Variants in OTUD7B observed in about 807,000 individuals in gnomAD.
OTUD7B encodes the protein OTU deubiquitinase 7B.
Under a neutral mutation model 82.2 loss-of-function variants are expected in OTUD7B, and 34 were observed. That is an observed-to-expected ratio of 0.41 (90% CI 0.31 to 0.55). OTUD7B has a LOEUF of 0.55. OTUD7B is among the 20% of genes least tolerant of loss of function. OTUD7B has a pLI of 0.20. For synonymous variants in OTUD7B, 398 were observed against 402.7 expected, an observed-to-expected ratio of 0.99 and a Z score of 0.14; for missense variants, 944 against 1,062.1, an observed-to-expected ratio of 0.89 and a Z score of 1.55.
intron 8 of OTUD7B, 131 bp from the exon 9 acceptor site, chr1:149,949,909 C>G (rs924627682): frequency 7.9e-7 from 1 of 1,273,098 alleles, no homozygotes; most frequent in Non-Finnish European, 1.1e-6. Flanking sequence ...TCCTAAGAAG[C>G]CCTGTCAACT....
At chr1:149,996,456 T>G (rs1428510804) in intron 1 of OTUD7B, among the ~76,000 whole-genome samples, 2 of 152,226 alleles carry the variant, frequency 1.3e-5, no homozygotes. Context: ...ATGTAAACAG[T>G]GGCATAATGT....
Position 149,967,278 on chromosome 1 carries a change from G to A in OTUD7B, c.502+16C>T, listed in dbSNP as rs1553776766. The A allele has an allele frequency of 1.3e-6, 2 of 1,571,358 alleles. No homozygotes were observed. The highest frequency in any genetic ancestry group is 1.8e-6 in the Non-Finnish European group (2 of 1,141,994). On this transcript the variant is annotated intron_variant, in intron 4 of 11. Transcript: ENST00000581312. ...AGAGTAGAGGGAAGAGTGTGGGAGA[G>A]GAAGCACTCACTGACCTGCCTGTTC...
chr1:149,967,269 T>A lies in OTUD7B; in HGVS notation c.502+25A>T. 4 of 1,513,596 alleles carry A rather than the reference T, an allele frequency of 2.6e-6. No homozygotes were observed. In the South Asian group the frequency reaches 3.4e-5, roughly 13 times the overall value. The allele number at this position is 1,513,596 out of a possible 1,614,324, so 93.8% of individuals were successfully genotyped here. A position where few individuals can be genotyped will look rare whatever the true frequency, so the allele number is the denominator to read the frequency against. Reference sequence around the variant, plus strand: ...TGTAGGTGGAGAGTAGAGGGAAGAGTGTGGGAGAGGAAGCACTCACTGACC... The same window carrying A: ...TGTAGGTGGAGAGTAGAGGGAAGAGAGTGGGAGAGGAAGCACTCACTGACC... On this transcript the variant is annotated intron_variant, in intron 4 of 11. Coordinates refer to ENST00000581312, the MANE Select transcript of OTUD7B (RefSeq NM_020205.4).
Position 149,950,119 on chromosome 1 carries a change from G to A in OTUD7B, c.948C>T (p.Thr316=). Residue 316 remains threonine, a synonymous_variant, in exon 8 of 12, where the codon ACC becomes ACT. Transcript: ENST00000581312. ...LRRPIVVVAD[T]MLRDSGGEAF... ...CTTCCCCTCCGGAGTCCCTCAGCATGGTGTCTGCCACGACGACTATGGGCC... is the reference window on the plus strand; with the variant it reads ...CTTCCCCTCCGGAGTCCCTCAGCATAGTGTCTGCCACGACGACTATGGGCC... 1.9e-6 allele frequency: 3 copies of A among 1,614,056 alleles called. No individual in the cohort carries two copies. Among genetic ancestry groups the A allele is most frequent in the Non-Finnish European group, 2.5e-6 (3 of 1,180,020 alleles).
In OTUD7B at chr1:150,005,784, G is replaced by A. The variant is rs140507852; in HGVS notation, c.-67+4664C>T. Among the ~76,000 whole-genome samples, 521 of 152,168 alleles carry A rather than the reference G, an allele frequency of 3.4e-3. 3 individuals are homozygous for A. The highest frequency in any genetic ancestry group is 0.012 in the African/African-American group (497 of 41,530). On this transcript the variant is annotated intron_variant, in intron 1 of 11. Coordinates refer to ENST00000581312, the MANE Select transcript of OTUD7B (RefSeq NM_020205.4). Reference sequence around the variant, plus strand: ...AAAGCACAAGTCCTTTGAGAAAGCCGGCTTAATCTTCAACAACACAACATA... The same window carrying A: ...AAAGCACAAGTCCTTTGAGAAAGCCAGCTTAATCTTCAACAACACAACATA...
chr1:149,949,427 G>A (rs1462019633), intron 9 of OTUD7B, among the ~76,000 whole-genome samples: 1 of 150,750 alleles, frequency 6.6e-6, no homozygotes, highest in Non-Finnish European at 1.5e-5. Flanking sequence ...CTTTACTCCA[G>A]AAGAGGGTAT....
chr1:149,969,431 C>T (rs983993002), intron 3 of OTUD7B, among the ~76,000 whole-genome samples: 2 of 152,160 alleles, frequency 1.3e-5, no homozygotes, highest in Non-Finnish European at 2.9e-5. Flanking sequence ...ATCCCTTCCC[C>T]AGAGGCAAAC....
chr1:150,009,516 A>T (rs1316386586), intron 1 of OTUD7B, among the ~76,000 whole-genome samples: 1 of 152,256 alleles, frequency 6.6e-6, no homozygotes, highest in South Asian at 2.1e-4. Flanking sequence ...GGAAAATAAA[A>T]GTCAACGTCC....
chr1:150,021,952 T>C, the OTUD7B span, among the ~76,000 whole-genome samples: 3,266 of 152,328 alleles, frequency 0.021, 72 homozygotes, highest in Non-Finnish European at 0.034. Flanking sequence ...ATACAGCTTC[T>C]TATTCCAACA....
chr1:149,956,124 C>T (rs1648647835), intron 7 of OTUD7B, among the ~76,000 whole-genome samples: 1 of 152,172 alleles, frequency 6.6e-6, no homozygotes, highest in Non-Finnish European at 1.5e-5. Flanking sequence ...CAGTTTCTTC[C>T]TAGCATCGAT....
At chr1:150,022,871 GTC>G in the OTUD7B span, among the ~76,000 whole-genome samples, 4 of 152,206 alleles carry the variant, frequency 2.6e-5, no homozygotes, top group Non-Finnish European at 5.9e-5. Context: ...AGCCCAAGGA[GTC>G]TCTTTACCCA....
chr1:149,995,312 G>A (rs990401721), intron 1 of OTUD7B, among the ~76,000 whole-genome samples: 1 of 152,054 alleles, frequency 6.6e-6, no homozygotes, highest in Non-Finnish European at 1.5e-5. Context: ...GGGCGCAGTG[G>A]CTCATGCCTG....
chr1:149,998,476 C>G lies in OTUD7B; in HGVS notation c.-67+11972G>C, dbSNP rs1652059047. On this transcript the variant is annotated intron_variant, in intron 1 of 11. Coordinates refer to ENST00000581312, the MANE Select transcript of OTUD7B (RefSeq NM_020205.4). ...AAACACTGTGCTACAAACTACTTTT[C>G]CTGCCCCCAAAACAAGGTGAGCTCA... Among the ~76,000 whole-genome samples the G allele has an allele frequency of 2.0e-5, 3 of 152,200 alleles. No homozygotes were observed. The South Asian group carries it at 6.2e-4, about 32-fold the overall frequency.
In OTUD7B at chr1:149,943,114, A is replaced by G. The variant is rs1553770821; in HGVS notation, c.*743T>C. ...TCTTCCCTTTAAACAAATACAATTA[A>G]AGACTTAGATGAGGAAAAGACAGGG... is the stretch of plus-strand genomic sequence containing the variant. On this transcript the variant is annotated 3_prime_UTR_variant, in exon 12 of 12. Transcript: ENST00000581312. 1 of 152,668 alleles carries G rather than the reference A, an allele frequency of 6.6e-6. No individual in the cohort carries two copies. The highest frequency in any genetic ancestry group is 1.5e-5 in the Non-Finnish European group (1 of 68,070). 9.5% of individuals were successfully genotyped at this position (152,668 alleles called of 1,614,324 possible).
chr1:150,029,247 T>C, the OTUD7B span, among the ~76,000 whole-genome samples: 1 of 152,142 alleles, frequency 6.6e-6, no homozygotes, highest in African/African-American at 2.4e-5. Flanking sequence ...ATAAGTTTAA[T>C]AGGAAAGTTT....
intron 1 of OTUD7B, among the ~76,000 whole-genome samples, chr1:149,999,783 T>C (rs923366792): frequency 6.6e-6 from 1 of 152,240 alleles, no homozygotes; most frequent in African/African-American, 2.4e-5. Flanking sequence ...CACATGCGAC[T>C]ACCTTCATGT....
At chr1:150,059,301 C>A in the OTUD7B span, among the ~76,000 whole-genome samples, 6 of 33,178 alleles carry the variant, frequency 1.8e-4, no homozygotes, top group African/African-American at 4.4e-4. Context: ...GATCCACCCC[C>A]CCCCCCCCCG....
chr1:150,045,080 T>G, the OTUD7B span, among the ~76,000 whole-genome samples: 1 of 136,204 alleles, frequency 7.3e-6, no homozygotes, highest in Non-Finnish European at 1.5e-5. Flanking sequence ...CAATATTATT[T>G]GTTCTTAAAC....
Position 149,944,176 on chromosome 1 carries a change from C to A in OTUD7B, c.2213G>T (p.Arg738Leu), listed in dbSNP as rs782204024. Residue 738 changes from arginine (R) to leucine (L), a missense_variant, in exon 12 of 12, where the codon CGA becomes CTA. Around this residue, in one of 3 missense-constraint regions of OTUD7B, gnomAD observed 412 missense variants for 418.7 expected, o/e 0.98. Transcript: ENST00000581312. ...GATGCTGTCCTGGTGGGGGTAGGGT[C>A]GCCCAGGAGGGCACTGTCTGGGGAA... The part of the protein sequence containing the change: ...ATFPRQCPPG[R>L]PYPHQDSIPS... 4 of 1,613,890 alleles carry A rather than the reference C, an allele frequency of 2.5e-6. No homozygotes were observed. The highest frequency in any genetic ancestry group is 2.5e-6 in the Non-Finnish European group (3 of 1,179,862).
Sources: gnomAD v4.1 joint callset for allele counts (sites outside exome capture counted in the v4.1 genomes callset) on GRCh38, gnomAD v4.1.1 for gene constraint, gnomAD v4.1.1 regional missense constraint, MANE v1.5 for transcripts, NCBI Gene and HGNC (gene_info 2026-07-23, HGNC 2026-07-21) for gene names.